SLC38A8: variants seen among roughly 807,000 people sequenced by gnomAD.
The protein encoded by SLC38A8 is amino acid transporter SLC38A8.
In SLC38A8, 65 loss-of-function variants were observed where a neutral mutation model predicts 46.0. That is an observed-to-expected ratio of 1.41 (90% CI 1.16 to 1.74). The LOEUF is 1.74. SLC38A8 is among the 40% of genes most tolerant of loss of function. The pLI is 0.00. For synonymous variants in SLC38A8, 447 were observed against 243.7 expected, an observed-to-expected ratio of 1.83 and a Z score of -7.77; for missense variants, 998 against 567.9, an observed-to-expected ratio of 1.76 and a Z score of -7.70.
At chr16:84,013,595 TC>T (rs2084985163) in intron 9 of SLC38A8, among the ~76,000 whole-genome samples, 1 of 151,400 alleles carries the variant, frequency 6.6e-6, no homozygotes, top group Non-Finnish European at 1.5e-5. Flanking sequence ...CACACCCCGC[TC>T]ATTTTTGTAT....
At chr16:84,024,797 C>T (rs981257053) in intron 6 of SLC38A8, among the ~76,000 whole-genome samples, 10 of 152,136 alleles carry the variant, frequency 6.6e-5, no homozygotes, top group Non-Finnish European at 1.5e-4. Flanking sequence ...TTAAGCGACT[C>T]TCCTGCCTCA....
At chr16:84,014,392 A>C (rs2084998937) in intron 9 of SLC38A8, among the ~76,000 whole-genome samples, 1 of 149,852 alleles carries the variant, frequency 6.7e-6, no homozygotes, top group South Asian at 2.1e-4. Context: ...CCATCAATGA[A>C]AGCTCCGCTC....
At chr16:84,033,178 A>G in intron 4 of SLC38A8, 150 bp downstream of exon 4, 1 of 1,012,032 alleles carries the variant, frequency 9.9e-7, no homozygotes, top group Non-Finnish European at 1.5e-6. Context: ...CATCATGCAT[A>G]CATTTTACTT....
chr16:84,027,826 G>A (rs192371653), intron 6 of SLC38A8, among the ~76,000 whole-genome samples: 6 of 152,292 alleles, frequency 3.9e-5, no homozygotes, highest in African/African-American at 7.2e-5. Flanking sequence ...TCGGGGAGGC[G>A]GCCCCGGCGT....
intron 6 of SLC38A8, among the ~76,000 whole-genome samples, chr16:84,028,133 G>A (rs2085188456): frequency 6.6e-6 from 1 of 151,856 alleles, no homozygotes; most frequent in African/African-American, 2.4e-5. Flanking sequence ...CAAGGGAAGA[G>A]ACGAGCTCAA....
chr16:84,025,336 G>A (rs185229932), intron 6 of SLC38A8, among the ~76,000 whole-genome samples: 112 of 152,220 alleles, frequency 7.4e-4, no homozygotes, highest in Middle Eastern at 6.8e-3. Context: ...TTCCCTCCGC[G>A]CCTCAGGGCC....
intron 2 of SLC38A8, among the ~76,000 whole-genome samples, chr16:84,039,003 G>C (rs1053908177): frequency 1.3e-5 from 2 of 152,312 alleles, no homozygotes; most frequent in African/African-American, 4.8e-5. Flanking sequence ...AGTGAAAAAG[G>C]GGTTTGCCTC....
chr16:84,012,582 G>A (rs571053721), intron 10 of SLC38A8, among the ~76,000 whole-genome samples: 1 of 152,316 alleles, frequency 6.6e-6, no homozygotes, highest in East Asian at 1.9e-4. Flanking sequence ...CTAGCTCAGT[G>A]CCTAGCAGAG....
chr16:84,011,621 C>T (rs1461505193), intron 10 of SLC38A8, among the ~76,000 whole-genome samples: 1 of 152,222 alleles, frequency 6.6e-6, no homozygotes, highest in Non-Finnish European at 1.5e-5. Context: ...TGCTTGCCAG[C>T]TTATCTGGAA....
At chr16:84,012,285 C>T (rs866080787) in intron 10 of SLC38A8, among the ~76,000 whole-genome samples, 9 of 152,236 alleles carry the variant, frequency 5.9e-5, no homozygotes, top group Admixed American at 3.3e-4. Context: ...ACGTGTACAT[C>T]GTCCTCTTCC....
In SLC38A8 at chr16:84,033,410, G is replaced by T. The variant is rs141999728; in HGVS notation, c.448C>A (p.Arg150Ser). The T allele has an allele frequency of 1.2e-5, 19 of 1,613,588 alleles. No individual in the cohort carries two copies. The highest frequency in any genetic ancestry group is 2.2e-5 in the East Asian group (1 of 44,874). ...ACGGAGAGCAGGGGCAGGGTGAAGC[G>T]CTGGTCTGCGTACCACGGCTGCGGG... ...PAPQPWYADQRFTLPLLSVLV... is the reference protein window; with the variant it reads ...PAPQPWYADQSFTLPLLSVLV... Residue 150 changes from arginine to serine, a missense_variant, in exon 4 of 11, where the codon CGC becomes AGC. Transcript: ENST00000299709.
chr16:84,019,777 A>T (rs1301142052), intron 7 of SLC38A8, among the ~76,000 whole-genome samples: 2 of 152,266 alleles, frequency 1.3e-5, no homozygotes, highest in Non-Finnish European at 2.9e-5. Context: ...GGCAAAAGAA[A>T]CATTCTCATC....
At chr16:84,030,111 C>T (rs1378962558) in intron 5 of SLC38A8, among the ~76,000 whole-genome samples, 1 of 152,092 alleles carries the variant, frequency 6.6e-6, no homozygotes, top group Non-Finnish European at 1.5e-5. Flanking sequence ...ATGCCTGCTG[C>T]CCTTATTGGA....
chr16:84,031,080 G>A (rs1373075387), intron 5 of SLC38A8, among the ~76,000 whole-genome samples: 1 of 152,042 alleles, frequency 6.6e-6, no homozygotes, highest in African/African-American at 2.4e-5. Context: ...TTGCTCTGTT[G>A]CCCAGGCTGG....
intron 2 of SLC38A8, among the ~76,000 whole-genome samples, chr16:84,037,311 C>G (rs2085311826): frequency 6.6e-6 from 1 of 152,250 alleles, no homozygotes; most frequent in South Asian, 2.1e-4. Context: ...GTTCTAACCA[C>G]TGCTCACCTG....
intron 3 of SLC38A8, among the ~76,000 whole-genome samples, 170 bp downstream of exon 3, chr16:84,036,532 T>C (rs1167217621): frequency 6.6e-6 from 1 of 152,240 alleles, no homozygotes; most frequent in African/African-American, 2.4e-5. Flanking sequence ...CTGGTGACTA[T>C]CCATTCGGAG....
At chr16:84,039,205 T>C (rs1164080748) in intron 2 of SLC38A8, among the ~76,000 whole-genome samples, 1 of 152,204 alleles carries the variant, frequency 6.6e-6, no homozygotes, top group Non-Finnish European at 1.5e-5. Context: ...GACACCTTCA[T>C]GTCAGATTCC....
At chr16:84,011,875 C>G (rs111875323) in intron 10 of SLC38A8, among the ~76,000 whole-genome samples, 8,138 of 152,232 alleles carry the variant, frequency 0.053, 246 homozygotes, top group South Asian at 0.1. Flanking sequence ...CAGAGCAAGA[C>G]TCTGTCTCAA....
intron 3 of SLC38A8, 93 bp downstream of exon 3, chr16:84,036,609 G>A: frequency 6.9e-7 from 1 of 1,439,794 alleles, no homozygotes; most frequent in Non-Finnish European, 9.5e-7. Context: ...CAGGGCCCAG[G>A]CCAGGGCCCC....
Sources: gnomAD v4.1 joint callset for allele counts (sites outside exome capture counted in the v4.1 genomes callset) on GRCh38, gnomAD v4.1.1 for gene constraint, MANE v1.5 for transcripts, NCBI Gene and HGNC (gene_info 2026-07-23, HGNC 2026-07-21) for gene names.